DCAF8L2: variants seen among roughly 807,000 people sequenced by gnomAD.
DCAF8L2 encodes DDB1- and CUL4-associated factor 8-like protein 2.
For synonymous variants in DCAF8L2, 200 were observed against 190.9 expected (o/e 1.05, Z -0.39); for missense variants, 430 against 490.7 (o/e 0.88, Z 1.17).
intron 2 of DCAF8L2, among the ~76,000 whole-genome samples, chrX:27,661,800 G>C (rs1929568280): frequency 9.0e-6 from 1 of 111,597 alleles, no homozygotes; most frequent in Admixed American, 9.6e-5. Flanking sequence ...TCACATGATA[G>C]AGGAAAATAT....
chrX:27,604,264 C>G (rs928783296), intron 1 of DCAF8L2, among the ~76,000 whole-genome samples: 1 of 111,281 alleles, frequency 9.0e-6, no homozygotes, highest in Admixed American at 9.7e-5. Context: ...TTGCCATGAA[C>G]AGTGAACTGT....
Position 27,602,484 on chromosome X carries a change from A to T in DCAF8L2, c.-342+12044A>T, listed in dbSNP as rs991915034. ...CTAATATGATTCTAAGTCTCATAGA[A>T]ATTTCTGGCATCAAAATTCATCATC... On this transcript the variant is annotated intron_variant, in intron 1 of 4. Coordinates refer to ENST00000451261, the MANE Select transcript of DCAF8L2 (RefSeq NM_001353450.2). 6.2e-4 allele frequency among the ~76,000 whole-genome samples: 69 copies of T among 111,849 alleles called. 1 individual carries two copies. Among genetic ancestry groups the T allele is most frequent in the African/African-American group, 2.0e-3 (63 of 30,863 alleles).
chrX:27,747,267 A>AGGGGAGGAGGAGGAAGAGGAG lies in DCAF8L2; in HGVS notation c.374_394dup (p.Gly125_Glu131dup). ...AAGACGAAGAGATACAAGAGGAGGG[A>AGGGGAGGAGGAGGAAGAGGAG]GGGGAGGAGGAGGAAGAGGAGGAGG... On this transcript the variant is annotated inframe_insertion, in exon 5 of 5. Transcript: ENST00000451261. 2 of 896,209 alleles carry AGGGGAGGAGGAGGAAGAGGAG rather than the reference A, an allele frequency of 2.2e-6. No individual in the cohort carries two copies. The highest frequency in any genetic ancestry group is 5.2e-5 in the African/African-American group (2 of 38,767). The allele number at this position is 896,209 out of a possible 1,213,427, so 73.9% of individuals were successfully genotyped here. A position where few individuals can be genotyped will look rare whatever the true frequency, so the allele number is the denominator to read the frequency against.
At chrX:27,521,150 C>G in the DCAF8L2 span, among the ~76,000 whole-genome samples, 1 of 112,068 alleles carries the variant, frequency 8.9e-6, no homozygotes, top group Non-Finnish European at 1.9e-5. Flanking sequence ...AAATACATTT[C>G]TTTACATAAT....
At chrX:27,571,950 G>A in the DCAF8L2 span, among the ~76,000 whole-genome samples, 1 of 111,481 alleles carries the variant, frequency 9.0e-6, no homozygotes, top group Admixed American at 9.6e-5. Context: ...AAGATGGATT[G>A]GTCATATCAG....
intron 1 of DCAF8L2, among the ~76,000 whole-genome samples, chrX:27,613,880 C>T (rs756052207): frequency 3.2e-4 from 36 of 111,102 alleles, no homozygotes; most frequent in African/African-American, 9.5e-4. Flanking sequence ...ATGTTTGCAT[C>T]GATGTTCATC....
chrX:27,607,800 T>C (rs1225276947), intron 1 of DCAF8L2, among the ~76,000 whole-genome samples: 1 of 112,201 alleles, frequency 8.9e-6, no homozygotes, highest in African/African-American at 3.2e-5. Flanking sequence ...ACCTATTTCT[T>C]TATTTCTTTA....
intron 2 of DCAF8L2, among the ~76,000 whole-genome samples, chrX:27,661,928 T>C (rs1284256307): frequency 8.9e-6 from 1 of 112,004 alleles, no homozygotes; most frequent in Non-Finnish European, 1.9e-5. Flanking sequence ...CAGTTTTTCT[T>C]ACACTGAAAT....
At chrX:27,668,821 TGG>T (rs1929835030) in intron 2 of DCAF8L2, among the ~76,000 whole-genome samples, 3 of 109,689 alleles carry the variant, frequency 2.7e-5, no homozygotes, top group South Asian at 3.9e-4. Context: ...GGCGTGGTGG[TGG>T]GCGCCTGTAA....
At chrX:27,543,444 G>C in the DCAF8L2 span, among the ~76,000 whole-genome samples, 1 of 111,379 alleles carries the variant, frequency 9.0e-6, no homozygotes, top group Non-Finnish European at 1.9e-5. Flanking sequence ...ATTTTACTTA[G>C]GACTGCTATT....
chrX:27,587,053 T>C (rs1482608569), upstream of DCAF8L2, among the ~76,000 whole-genome samples: 1 of 111,309 alleles, frequency 9.0e-6, no homozygotes, highest in Non-Finnish European at 1.9e-5. Context: ...TACTTATCAC[T>C]ATCACCACAC....
intron 1 of DCAF8L2, among the ~76,000 whole-genome samples, chrX:27,598,590 T>TTA (rs1393866367): frequency 8.9e-6 from 1 of 112,046 alleles, no homozygotes; most frequent in African/African-American, 3.2e-5. Context: ...AAAGAGTAAA[T>TTA]AACTGCCTTT....
the DCAF8L2 span, among the ~76,000 whole-genome samples, chrX:27,579,676 A>G: frequency 5.2e-4 from 57 of 108,614 alleles, no homozygotes; most frequent in African/African-American, 1.9e-3. Flanking sequence ...ATACCAAAAC[A>G]GACTGAATAC....
At chrX:27,690,052 A>G (rs1189515280) in intron 3 of DCAF8L2, among the ~76,000 whole-genome samples, 2 of 111,590 alleles carry the variant, frequency 1.8e-5, no homozygotes, top group African/African-American at 3.3e-5. Flanking sequence ...TGGAGGATAC[A>G]TAAGACACTG....
the DCAF8L2 span, among the ~76,000 whole-genome samples, chrX:27,514,707 AAC>A: frequency 2.8e-4 from 28 of 101,427 alleles, no homozygotes; most frequent in African/African-American, 1.1e-3. Context: ...AAAAAAAAAA[AAC>A]AGAGTGAAAT....
chrX:27,594,072 G>A (rs1419667550), intron 1 of DCAF8L2, among the ~76,000 whole-genome samples: 1 of 111,990 alleles, frequency 8.9e-6, no homozygotes, highest in East Asian at 2.8e-4. Context: ...CAGAAGGGAA[G>A]TAGAAAGAAA....
chrX:27,577,722 G>C, the DCAF8L2 span, among the ~76,000 whole-genome samples: 3 of 111,134 alleles, frequency 2.7e-5, no homozygotes, highest in Admixed American at 2.9e-4. Context: ...CAAAATCAGT[G>C]TGCAAAAATC....
chrX:27,653,762 A>AC (rs201922239), intron 2 of DCAF8L2, among the ~76,000 whole-genome samples: 3 of 97,728 alleles, frequency 3.1e-5, no homozygotes, highest in African/African-American at 1.1e-4. Context: ...ACACACACAC[A>AC]ACATATATTT....
the DCAF8L2 span, among the ~76,000 whole-genome samples, chrX:27,533,471 A>T: frequency 9.0e-6 from 1 of 111,702 alleles, no homozygotes; most frequent in African/African-American, 3.2e-5. Context: ...AAATGTATTT[A>T]CATAGTATTA....
Sources: allele counts gnomAD v4.1 joint callset (sites outside exome capture counted in the v4.1 genomes callset), GRCh38; gene constraint gnomAD v4.1.1; transcripts MANE v1.5; gene names NCBI Gene and HGNC (gene_info 2026-07-23, HGNC 2026-07-21).